CRACDL: variants seen among roughly 807,000 people sequenced by gnomAD.
CRACDL encodes the protein CRACD like, also known as CRACD-like protein.
In CRACDL, 26 loss-of-function variants were observed where a neutral mutation model predicts 70.6. That is an observed-to-expected ratio of 0.37 (90% confidence interval 0.27 to 0.51). The LOEUF is 0.51. CRACDL is among the 20% of genes least tolerant of loss of function. The pLI is 0.94. For synonymous variants in CRACDL, 618 were observed against 615.2 expected, an observed-to-expected ratio of 1.00 and a Z score of -0.07; for missense variants, 1,283 against 1,376.9, an observed-to-expected ratio of 0.93 and a Z score of 1.08.
intron 7 of CRACDL, 23 bp from the exon 8 acceptor site, chr2:98,797,560 T>C: frequency 6.2e-7 from 1 of 1,610,648 alleles, no homozygotes; most frequent in Non-Finnish European, 8.5e-7. Flanking sequence ...GGCACAAGAT[T>C]ATAGAAACAG....
chr2:98,796,963 C>T (rs1703849332), intron 8 of CRACDL, among the ~76,000 whole-genome samples: 1 of 152,198 alleles, frequency 6.6e-6, no homozygotes, highest in South Asian at 2.1e-4. Flanking sequence ...GCATGATAAG[C>T]TGGGATGGAG....
intron 1 of CRACDL, among the ~76,000 whole-genome samples, chr2:98,870,850 G>A (rs959445584): frequency 7.2e-5 from 11 of 152,290 alleles, no homozygotes; most frequent in Admixed American, 4.6e-4. Flanking sequence ...CTCTGTCCCC[G>A]TGGAAGCCCA....
At chr2:98,933,169 G>A (rs1468087839) in intron 1 of CRACDL, among the ~76,000 whole-genome samples, 1 of 152,176 alleles carries the variant, frequency 6.6e-6, no homozygotes, top group Admixed American at 6.5e-5. Flanking sequence ...GCTCACCCTG[G>A]GGACACCAGC....
rs1168586328 is a variant in CRACDL at position 98,794,688 on chromosome 2, CAA to C, written c.2750-19_2750-18del. ...CAGACTGAGCTGCTTGGAAGGGAGACAAAACCAACAGAAACATGAGCAGTGAC... is the reference window on the plus strand; with the variant it reads ...CAGACTGAGCTGCTTGGAAGGGAGACAACCAACAGAAACATGAGCAGTGAC... On this transcript the variant is annotated intron_variant, in intron 9 of 9. Coordinates refer to ENST00000397899, the MANE Select transcript of CRACDL (RefSeq NM_207362.3). The C allele has an allele frequency of 1.3e-6, 2 of 1,588,632 alleles. No homozygotes were observed. The highest frequency in any genetic ancestry group is 2.7e-5 in the African/African-American group (2 of 74,664).
At chr2:98,825,139 A>G (rs1444065924) in intron 6 of CRACDL, among the ~76,000 whole-genome samples, 1 of 152,184 alleles carries the variant, frequency 6.6e-6, no homozygotes, top group Non-Finnish European at 1.5e-5. Context: ...GAGGGACCTC[A>G]TGACCAACGG....
chr2:98,929,616 A>G (rs1333400287), intron 1 of CRACDL, among the ~76,000 whole-genome samples: 2 of 152,102 alleles, frequency 1.3e-5, no homozygotes, highest in Non-Finnish European at 2.9e-5. Context: ...TGGTCCCAGA[A>G]TGCCCCAGGC....
chr2:98,794,461 C>G lies in CRACDL; in HGVS notation c.*71G>C. On this transcript the variant is annotated 3_prime_UTR_variant, in exon 10 of 10. Transcript: ENST00000397899. ...TTTAAGTTTCACAGTTTGTTTGCCACAATACACTGGCAGTTTTTAACTAAG... is the reference window on the plus strand; with the variant it reads ...TTTAAGTTTCACAGTTTGTTTGCCAGAATACACTGGCAGTTTTTAACTAAG... The G allele has an allele frequency of 1.5e-6, 2 of 1,340,708 alleles. No homozygotes were observed. Among genetic ancestry groups the G allele is most frequent in the South Asian group, 2.5e-5 (2 of 78,954 alleles). The allele number at this position is 1,340,708 out of a possible 1,614,324, so 83.1% of individuals were successfully genotyped here.
At chr2:98,817,141 C>T (rs1312700712) in intron 7 of CRACDL, among the ~76,000 whole-genome samples, 1 of 152,058 alleles carries the variant, frequency 6.6e-6, no homozygotes, top group Non-Finnish European at 1.5e-5. Flanking sequence ...TATGTGAAAT[C>T]TAAAATAGTC....
chr2:98,806,359 G>GC, intron 7 of CRACDL, among the ~76,000 whole-genome samples: 1 of 152,398 alleles, frequency 6.6e-6, no homozygotes, highest in Middle Eastern at 3.4e-3. Context: ...CCAGCCATGT[G>GC]TATTGGGGGC....
At chr2:98,915,109 G>A (rs749763843) in intron 1 of CRACDL, among the ~76,000 whole-genome samples, 6 of 152,206 alleles carry the variant, frequency 3.9e-5, no homozygotes, top group Non-Finnish European at 7.3e-5. Flanking sequence ...AAATAATGAG[G>A]GGAGGAAGGT....
At chr2:98,893,779 C>T (rs751473618) in intron 1 of CRACDL, among the ~76,000 whole-genome samples, 13 of 152,180 alleles carry the variant, frequency 8.5e-5, no homozygotes, top group East Asian at 1.9e-4. Context: ...ATTTCTGTCC[C>T]CCTCATTTTG....
At chr2:98,898,746 A>T (rs1487185213) in intron 1 of CRACDL, among the ~76,000 whole-genome samples, 2 of 152,178 alleles carry the variant, frequency 1.3e-5, no homozygotes, top group Non-Finnish European at 2.9e-5. Context: ...TCCCATCCCT[A>T]TGTGCCTCAA....
chr2:98,895,055 G>A (rs549704712), intron 1 of CRACDL, among the ~76,000 whole-genome samples: 7 of 152,212 alleles, frequency 4.6e-5, no homozygotes, highest in South Asian at 2.1e-4. Context: ...AGGCTTCAGC[G>A]GTCCATGATC....
intron 7 of CRACDL, 121 bp downstream of exon 7, chr2:98,821,736 C>A (rs1705037955): frequency 7.8e-7 from 1 of 1,284,280 alleles, no homozygotes; most frequent in South Asian, 1.4e-5. Flanking sequence ...ATTCTGACTC[C>A]TTCCAATTCC....
At chr2:98,811,814 G>A (rs552090003) in intron 7 of CRACDL, among the ~76,000 whole-genome samples, 3 of 152,164 alleles carry the variant, frequency 2.0e-5, no homozygotes, top group Non-Finnish European at 4.4e-5. Flanking sequence ...TTGAAAGACT[G>A]GCTTTATTCA....
chr2:98,795,339 G>A (rs1302444216), intron 9 of CRACDL, among the ~76,000 whole-genome samples: 2 of 151,946 alleles, frequency 1.3e-5, no homozygotes, highest in East Asian at 3.9e-4. Context: ...GCCTCCCAAA[G>A]TGCTGGGATT....
chr2:98,852,444 T>C (rs1385200025), intron 1 of CRACDL, among the ~76,000 whole-genome samples: 1 of 151,718 alleles, frequency 6.6e-6, no homozygotes, highest in Non-Finnish European at 1.5e-5. Flanking sequence ...TAATCAAAAT[T>C]TACAAAACAT....
At chr2:98,855,378 A>G (rs1053106656) in intron 1 of CRACDL, among the ~76,000 whole-genome samples, 2 of 152,174 alleles carry the variant, frequency 1.3e-5, no homozygotes, top group African/African-American at 4.8e-5. Context: ...ACATATAGAT[A>G]TATATGTTCT....
intron 1 of CRACDL, among the ~76,000 whole-genome samples, chr2:98,851,428 G>C (rs753476695): frequency 1.8e-4 from 27 of 152,204 alleles, no homozygotes; most frequent in Non-Finnish European, 3.4e-4. Flanking sequence ...CCCAGAAAGA[G>C]TGACTCTTGG....
Sources: allele counts gnomAD v4.1 joint callset (sites outside exome capture counted in the v4.1 genomes callset), GRCh38; gene constraint gnomAD v4.1.1; transcripts MANE v1.5; gene names NCBI Gene and HGNC (gene_info 2026-07-23, HGNC 2026-07-21).